CTNNA3: variants seen among roughly 807,000 people sequenced by gnomAD.
CTNNA3 encodes catenin alpha 3.
In CTNNA3, 76 loss-of-function variants were observed where a neutral mutation model predicts 95.7. The ratio of observed to expected loss-of-function variants is 0.79; its 90% confidence interval spans 0.66 to 0.96. The LOEUF (loss-of-function observed/expected upper bound fraction) is 0.96, where lower values mean the gene tolerates loss of function less well. Among genes scored for constraint, CTNNA3 ranks in the 40% least tolerant of loss-of-function variants. The pLI is 0.00. For synonymous variants in CTNNA3, 431 were observed against 374.4 expected (o/e 1.15, Z -1.74); for missense variants, 1,191 against 1,089.8 (o/e 1.09, Z -1.31).
intron 7 of CTNNA3, among the ~76,000 whole-genome samples, chr10:67,100,538 C>T (rs1271294935): frequency 1.3e-5 from 2 of 151,686 alleles, no homozygotes; most frequent in East Asian, 3.9e-4. Context: ...TCTTTTCCAG[C>T]ATTTGATAAT....
chr10:66,110,456 G>A (rs1346539549), intron 13 of CTNNA3, among the ~76,000 whole-genome samples: 2 of 151,660 alleles, frequency 1.3e-5, no homozygotes, highest in East Asian at 3.9e-4. Context: ...CAACCTAGGT[G>A]TCTTTCATTG....
chr10:67,067,225 G>T (rs1209171174), intron 7 of CTNNA3, among the ~76,000 whole-genome samples: 1 of 152,082 alleles, frequency 6.6e-6, no homozygotes, highest in African/African-American at 2.4e-5. Context: ...CAATTTTTAA[G>T]TATGTGTGTA....
chr10:66,728,385 G>C (rs995700231), intron 9 of CTNNA3, among the ~76,000 whole-genome samples: 2 of 152,112 alleles, frequency 1.3e-5, no homozygotes, highest in Non-Finnish European at 2.9e-5. Context: ...TAGGTTATCT[G>C]TTTACTCTGA....
intron 12 of CTNNA3, among the ~76,000 whole-genome samples, chr10:66,348,489 T>C (rs2092542027): frequency 6.6e-6 from 1 of 152,092 alleles, no homozygotes; most frequent in South Asian, 2.1e-4. Flanking sequence ...TTGGAATGTA[T>C]AAAACAATAC....
chr10:66,986,022 G>T (rs559557461), intron 7 of CTNNA3, among the ~76,000 whole-genome samples: 2 of 152,002 alleles, frequency 1.3e-5, no homozygotes, highest in Non-Finnish European at 2.9e-5. Flanking sequence ...CACCATGCCT[G>T]GCCTCACATT....
chr10:66,289,604 T>C (rs1831565165), intron 12 of CTNNA3, among the ~76,000 whole-genome samples: 1 of 151,990 alleles, frequency 6.6e-6, no homozygotes, highest in African/African-American at 2.4e-5. Flanking sequence ...GTTGAATGAA[T>C]GAAGAAAACT....
chr10:66,379,251 C>T lies in CTNNA3; in HGVS notation c.1633G>A (p.Ala545Thr). The T allele has an allele frequency of 6.2e-7, 1 of 1,614,160 alleles. No individual in the cohort carries two copies. Among genetic ancestry groups the T allele is most frequent in the Middle Eastern group, 1.7e-4 (1 of 6,060 alleles). ...RAAGAIRGRA[A>T]RVAHIVTGEM... is the part of the protein sequence containing the mutation. Reference sequence around the variant, plus strand: ...CCCGTGACGATGTGAGCAACTCTTGCTGCCCGGCCTCTGATAGCACCCGCA... The same window carrying T: ...CCCGTGACGATGTGAGCAACTCTTGTTGCCCGGCCTCTGATAGCACCCGCA... The change falls in exon 12 of 18, where the codon GCA becomes ACA. Residue 545 changes from alanine to threonine, a missense_variant. Ala to Thr is a moderately conservative substitution (Grantham distance 58). Coordinates refer to ENST00000433211, the MANE Select transcript of CTNNA3 (RefSeq NM_013266.4).
chr10:66,656,354 A>T (rs1471312387), intron 9 of CTNNA3, among the ~76,000 whole-genome samples: 1 of 152,132 alleles, frequency 6.6e-6, no homozygotes, highest in Non-Finnish European at 1.5e-5. Context: ...TTCAGGGAGC[A>T]AAACTAAAAC....
intron 1 of CTNNA3, among the ~76,000 whole-genome samples, chr10:67,739,972 G>C (rs1841325829): frequency 6.6e-6 from 1 of 152,012 alleles, no homozygotes; most frequent in African/African-American, 2.4e-5. Flanking sequence ...ATAGATCAAT[G>C]GAACAGAACA....
intron 17 of CTNNA3, among the ~76,000 whole-genome samples, chr10:65,945,466 C>T (rs2077502094): frequency 1.3e-5 from 2 of 152,112 alleles, no homozygotes; most frequent in South Asian, 4.1e-4. Flanking sequence ...TGCTTTAAGT[C>T]CTGCCCAAGG....
chr10:66,806,657 A>T lies in CTNNA3; in HGVS notation c.1048-31133T>A, dbSNP rs543431750. 5.9e-5 allele frequency among the ~76,000 whole-genome samples: 9 copies of T among 152,012 alleles called. No homozygotes were observed. The East Asian group carries it at 1.6e-3, about 26-fold the overall frequency. On this transcript the variant is annotated intron_variant, in intron 7 of 17. Coordinates refer to ENST00000433211, the MANE Select transcript of CTNNA3 (RefSeq NM_013266.4). ...CAGATATACTCAATGGAAGGCTAAG[A>T]CTTTCCTGAGACCACATTCTCTATA...
intron 15 of CTNNA3, among the ~76,000 whole-genome samples, chr10:66,063,124 C>T (rs2080236778): frequency 6.6e-6 from 1 of 151,266 alleles, no homozygotes; most frequent in African/African-American, 2.4e-5. Flanking sequence ...CCAGTGTAGA[C>T]CCAGTCATTT....
chr10:65,923,993 C>T (rs755365137), intron 17 of CTNNA3, among the ~76,000 whole-genome samples: 5 of 152,096 alleles, frequency 3.3e-5, no homozygotes, highest in African/African-American at 7.2e-5. Flanking sequence ...ACAAACAATG[C>T]CAATTCAGGT....
At chr10:66,654,382 G>A (rs573348516) in intron 9 of CTNNA3, among the ~76,000 whole-genome samples, 1 of 152,150 alleles carries the variant, frequency 6.6e-6, no homozygotes, top group East Asian at 1.9e-4. Flanking sequence ...TTAAGGAAAT[G>A]TAAATTAAAA....
At chr10:67,247,396 T>C (rs933680331) in intron 5 of CTNNA3, among the ~76,000 whole-genome samples, 1 of 152,052 alleles carries the variant, frequency 6.6e-6, no homozygotes, top group Non-Finnish European at 1.5e-5. Flanking sequence ...AAGAAAACAA[T>C]TCCACTTAAA....
intron 5 of CTNNA3, among the ~76,000 whole-genome samples, chr10:67,289,163 A>C (rs1839725105): frequency 1.3e-5 from 2 of 152,262 alleles, no homozygotes; most frequent in Admixed American, 1.3e-4. Flanking sequence ...TATTTTTCAG[A>C]TGTTCCACTG....
At chr10:67,217,076 G>C (rs1430252821) in intron 6 of CTNNA3, among the ~76,000 whole-genome samples, 1 of 152,138 alleles carries the variant, frequency 6.6e-6, no homozygotes, top group Non-Finnish European at 1.5e-5. Context: ...TTTAACAAAA[G>C]CTTCAGCATG....
chr10:67,447,833 A>C (rs1846815921), intron 5 of CTNNA3, among the ~76,000 whole-genome samples: 1 of 151,998 alleles, frequency 6.6e-6, no homozygotes, highest in South Asian at 2.1e-4. Context: ...TGTTTCATTC[A>C]CCTCTTATAT....
At chr10:66,240,842 AG>A (rs2090073732) in intron 13 of CTNNA3, among the ~76,000 whole-genome samples, 1 of 152,078 alleles carries the variant, frequency 6.6e-6, no homozygotes, top group Non-Finnish European at 1.5e-5. Flanking sequence ...CAACCTCAAA[AG>A]TTTTTTAAGT....
Sources: allele counts gnomAD v4.1 joint callset (sites outside exome capture counted in the v4.1 genomes callset), GRCh38; gene constraint gnomAD v4.1.1; transcripts MANE v1.5; gene names NCBI Gene and HGNC (gene_info 2026-07-23, HGNC 2026-07-21).